Variants in DLG2 observed in about 807,000 individuals in gnomAD.
The protein encoded by DLG2 is discs large MAGUK scaffold protein 2.
A neutral mutation model predicts 132.5 loss-of-function variants in DLG2; 45 were observed. The observed-to-expected ratio is 0.34, with a 90% confidence interval of 0.27 to 0.44. The LOEUF is 0.44. Ranked by LOEUF, DLG2 falls within the 20% of genes least tolerant of loss-of-function variation. The pLI is 1.00. For missense variants in DLG2, 1,045 were observed against 1,196.9 expected (o/e 0.87, Z 1.87); for synonymous variants, 424 against 419.6 (o/e 1.01, Z -0.13).
intron 5 of DLG2, among the ~76,000 whole-genome samples, chr11:85,126,885 G>T (rs986302050): frequency 1.3e-5 from 2 of 152,166 alleles, no homozygotes; most frequent in East Asian, 3.8e-4. Context: ...TCATGGATGA[G>T]AAAACTGCAG....
chr11:85,016,298 T>C (rs976416284), intron 6 of DLG2, among the ~76,000 whole-genome samples: 14 of 152,172 alleles, frequency 9.2e-5, no homozygotes, highest in Non-Finnish European at 1.6e-4. Context: ...ACTAAATTAC[T>C]ATACTTTTTG....
chr11:85,461,172 G>A (rs1259810481), intron 3 of DLG2, among the ~76,000 whole-genome samples: 2 of 152,160 alleles, frequency 1.3e-5, no homozygotes, highest in Non-Finnish European at 2.9e-5. Context: ...AGGCTGTAGA[G>A]TACATATATA....
At chr11:85,259,904 T>C (rs1329358101) in intron 4 of DLG2, among the ~76,000 whole-genome samples, 1 of 152,160 alleles carries the variant, frequency 6.6e-6, no homozygotes, top group African/African-American at 2.4e-5. Flanking sequence ...CCTAACACAC[T>C]ATCTTGTACA....
intron 12 of DLG2, among the ~76,000 whole-genome samples, chr11:83,967,844 T>C (rs4133461): frequency 0.042 from 6,468 of 152,246 alleles, 198 homozygotes; most frequent in Non-Finnish European, 0.067. Flanking sequence ...AGAAATTTTA[T>C]GGTTTTAGGT....
intron 7 of DLG2, among the ~76,000 whole-genome samples, chr11:84,257,837 C>G (rs2097499187): frequency 6.6e-6 from 1 of 151,886 alleles, no homozygotes; most frequent in Admixed American, 6.6e-5. Flanking sequence ...CAGGCATGTA[C>G]CACCATGCCT....
chr11:83,542,443 G>A (rs1161004870), intron 19 of DLG2, among the ~76,000 whole-genome samples: 1 of 152,110 alleles, frequency 6.6e-6, no homozygotes, highest in Non-Finnish European at 1.5e-5. Flanking sequence ...CTGAATACAT[G>A]CTTAAAATGC....
At chr11:85,615,736 T>C (rs2081289364) in intron 2 of DLG2, among the ~76,000 whole-genome samples, 1 of 152,158 alleles carries the variant, frequency 6.6e-6, no homozygotes, top group South Asian at 2.1e-4. Context: ...GAAATAATCT[T>C]AATAAGAAAT....
chr11:83,644,887 G>A (rs2067677258), intron 18 of DLG2, among the ~76,000 whole-genome samples: 1 of 152,048 alleles, frequency 6.6e-6, no homozygotes, highest in Non-Finnish European at 1.5e-5. Context: ...TCATTGCATA[G>A]TACCATTTGT....
chr11:85,393,357 C>T (rs1444709934), intron 3 of DLG2, among the ~76,000 whole-genome samples: 8 of 152,216 alleles, frequency 5.3e-5, no homozygotes, highest in South Asian at 2.1e-4. Flanking sequence ...AAAAGGAACA[C>T]TTTTACACTG....
At chr11:85,547,495 G>C (rs1462764967) in intron 3 of DLG2, among the ~76,000 whole-genome samples, 1 of 152,132 alleles carries the variant, frequency 6.6e-6, no homozygotes, top group Non-Finnish European at 1.5e-5. Context: ...TATCTTTGCG[G>C]TGTTCTCTGT....
intron 18 of DLG2, among the ~76,000 whole-genome samples, chr11:83,753,439 A>G (rs2093424615): frequency 2.0e-5 from 3 of 151,804 alleles, no homozygotes. Flanking sequence ...ACAAAATAAA[A>G]CAAAAAACCA....
intron 18 of DLG2, among the ~76,000 whole-genome samples, chr11:83,751,508 A>G (rs2093309237): frequency 6.6e-6 from 1 of 152,228 alleles, no homozygotes; most frequent in African/African-American, 2.4e-5. Flanking sequence ...ATTAGGAGTC[A>G]GTTGCATTAA....
In DLG2 at chr11:84,714,555, CTCTTTCTCTT is replaced by C. The variant is rs1400365620; in HGVS notation, c.358-179834_358-179825del. ...TTTCTCTTTCTCTTTCTCTTTCTCT[CTCTTTCTCTT>C]TCTCTTTCTCTTTCTCTTTCTCTTT... On this transcript the variant is annotated intron_variant, in intron 6 of 27. Coordinates refer to ENST00000376104, the MANE Select transcript of DLG2 (RefSeq NM_001142699.3). Among the ~76,000 whole-genome samples the C allele has an allele frequency of 1.3e-4, 11 of 83,186 alleles. 1 individual carries two copies. The highest frequency in any genetic ancestry group is 2.0e-4 in the Non-Finnish European group (10 of 51,152). The allele number at this position is 83,186 out of a possible 152,430, so 54.6% of individuals were successfully genotyped here.
chr11:85,164,874 G>C (rs745354395), intron 4 of DLG2, among the ~76,000 whole-genome samples: 1 of 152,086 alleles, frequency 6.6e-6, no homozygotes, highest in Non-Finnish European at 1.5e-5. Context: ...CTAAACTCCT[G>C]AGCCACTTTC....
At chr11:84,901,900 G>GA (rs1246158675) in intron 6 of DLG2, among the ~76,000 whole-genome samples, 3 of 151,734 alleles carry the variant, frequency 2.0e-5, no homozygotes, top group Non-Finnish European at 2.9e-5. Flanking sequence ...ATTAAGGGGG[G>GA]AAAAAAAGGA....
chr11:83,795,584 C>A (rs7105493), intron 17 of DLG2, among the ~76,000 whole-genome samples: 1 of 151,884 alleles, frequency 6.6e-6, no homozygotes, highest in Non-Finnish European at 1.5e-5. Context: ...AGTTGTGTTG[C>A]TGCTGCTGTT....
intron 7 of DLG2, among the ~76,000 whole-genome samples, chr11:84,357,388 G>A (rs2098622024): frequency 6.6e-6 from 1 of 151,998 alleles, no homozygotes; most frequent in Non-Finnish European, 1.5e-5. Flanking sequence ...CTCTCCTCAG[G>A]AAAGCCTTCA....
intron 6 of DLG2, chr11:84,923,160 A>G: frequency 1.2e-6 from 2 of 1,613,038 alleles, no homozygotes; most frequent in Non-Finnish European, 1.7e-6. Flanking sequence ...TCAGCTTCTC[A>G]GCACAGCGCA....
At chr11:84,513,422 C>A (rs1198288981) in intron 7 of DLG2, among the ~76,000 whole-genome samples, 1 of 151,984 alleles carries the variant, frequency 6.6e-6, no homozygotes, top group Non-Finnish European at 1.5e-5. Flanking sequence ...AATCACATTA[C>A]CCGACTTCAA....
Sources: allele counts gnomAD v4.1 joint callset (sites outside exome capture counted in the v4.1 genomes callset), GRCh38; gene constraint gnomAD v4.1.1; transcripts MANE v1.5; gene names NCBI Gene and HGNC (gene_info 2026-07-23, HGNC 2026-07-21).